MARCHF8: variants seen among roughly 807,000 people sequenced by gnomAD.
MARCHF8 encodes E3 ubiquitin-protein ligase MARCHF8.
In MARCHF8, 40 loss-of-function variants were observed where a neutral mutation model predicts 51.6. The observed-to-expected ratio is 0.77, with a 90% CI of 0.60 to 1.01. The LOEUF (loss-of-function observed/expected upper bound fraction) is 1.01. MARCHF8 is among the 50% of genes least tolerant of loss of function. The pLI is 0.00. For synonymous variants in MARCHF8, 263 were observed against 280.3 expected (o/e 0.94, Z 0.62); for missense variants, 685 against 708.6 (o/e 0.97, Z 0.38).
rs1012733606 is a variant in MARCHF8, at chr10:45,564,538, G to T, written c.-79+29697C>A. ...ACATAATCAGAAATGCAGGTGGAGG[G>T]GAAGAAAGTGAAACTGGACCAGAGA... On this transcript the variant is annotated intron_variant, in intron 1 of 6. Transcript: ENST00000319836. Among the ~76,000 whole-genome samples the T allele has an allele frequency of 6.6e-5, 10 of 152,180 alleles. No individual in the cohort carries two copies. In the East Asian group the frequency reaches 1.9e-3, roughly 29 times the overall value.
At chr10:45,477,096 G>T (rs941593611) in intron 3 of MARCHF8, among the ~76,000 whole-genome samples, 40 of 152,190 alleles carry the variant, frequency 2.6e-4, no homozygotes, top group Middle Eastern at 3.4e-3. Flanking sequence ...CAAGAAAAAA[G>T]CATCTAGTCA....
chr10:45,530,981 T>A (rs946547114), intron 2 of MARCHF8, among the ~76,000 whole-genome samples: 1 of 152,140 alleles, frequency 6.6e-6, no homozygotes, highest in Non-Finnish European at 1.5e-5. Context: ...TGATAAAACA[T>A]GTCTGAGATG....
intron 2 of MARCHF8, among the ~76,000 whole-genome samples, chr10:45,507,812 A>G (rs980557346): frequency 2.1e-4 from 18 of 85,864 alleles, no homozygotes; most frequent in East Asian, 7.3e-4. Context: ...CTCAGTTTTG[A>G]AAAAAAAAAA....
At chr10:45,491,555 A>C (rs986512620) in intron 2 of MARCHF8, among the ~76,000 whole-genome samples, 14 of 152,224 alleles carry the variant, frequency 9.2e-5, no homozygotes, top group Non-Finnish European at 1.6e-4. Context: ...ACAACAACAA[A>C]AAAAGACCAA....
At chr10:45,571,735 C>A (rs1264746470) in intron 1 of MARCHF8, among the ~76,000 whole-genome samples, 3 of 152,182 alleles carry the variant, frequency 2.0e-5, no homozygotes, top group Non-Finnish European at 2.9e-5. Flanking sequence ...CCTCTTTTTA[C>A]TCTCTTCTCC....
rs751632778 is a variant in MARCHF8, at chr10:45,461,284, C to T, written c.1216G>A (p.Glu406Lys). 6.9e-6 allele frequency: 11 copies of T among 1,597,570 alleles called. No individual in the cohort carries two copies. The highest frequency in any genetic ancestry group is 6.8e-6 in the Non-Finnish European group (8 of 1,172,654). ...ATGATGAACTCATACTTGCAGAGCT[C>T]GCAGCAGCGCGTGTCGGAGCTCTTG... ...WIKSSDTRCC[E>K]LCKYEFIMET... The change falls in exon 6 of 8, where the codon GAG becomes AAG. Residue 406 changes from glutamate (E) to lysine (K), a missense_variant. By Grantham distance (56) the Glu-to-Lys change is moderately conservative. Coordinates refer to ENST00000453424, the MANE Select transcript of MARCHF8 (RefSeq NM_001282866.2).
chr10:45,581,274 G>C (rs1007444815), intron 1 of MARCHF8, among the ~76,000 whole-genome samples: 1 of 152,088 alleles, frequency 6.6e-6, no homozygotes, highest in East Asian at 1.9e-4. Context: ...CCACAACAAA[G>C]AATTATCCAA....
chr10:45,561,610 G>T (rs2044311115), intron 1 of MARCHF8, among the ~76,000 whole-genome samples: 1 of 149,668 alleles, frequency 6.7e-6, no homozygotes, highest in Non-Finnish European at 1.5e-5. Flanking sequence ...TGTAAATAAA[G>T]AAATTTTAGG....
rs1842852525 is a variant in MARCHF8, at chr10:45,463,293, T to C, written c.946A>G (p.Ser316Gly). The change falls in exon 5 of 8, where the codon AGC becomes GGC. Residue 316 changes from serine (S) to glycine (G), a missense_variant. By Grantham distance (56) the Ser-to-Gly change is moderately conservative. Coordinates refer to ENST00000453424, the MANE Select transcript of MARCHF8 (RefSeq NM_001282866.2). ...CTACTCTTCAGTTTTGCAGATGTGC[T>C]GTCCTCAAAGACATCGTCGTCTCCC... The part of the protein sequence containing the change: ...EMGDDDVFED[S>G]TSAKLKSRVL... 1 of 1,551,020 alleles carries C rather than the reference T, an allele frequency of 6.4e-7. No individual in the cohort carries two copies. Among genetic ancestry groups the C allele is most frequent in the Non-Finnish European group, 8.7e-7 (1 of 1,147,086 alleles).
chr10:45,558,188 T>C (rs959432520), intron 1 of MARCHF8, among the ~76,000 whole-genome samples: 2 of 152,078 alleles, frequency 1.3e-5, no homozygotes, highest in African/African-American at 4.8e-5. Flanking sequence ...AAGATAGAGA[T>C]TTTGTACATG....
At chr10:45,562,805 C>G (rs1216090421) in intron 1 of MARCHF8, among the ~76,000 whole-genome samples, 1 of 152,006 alleles carries the variant, frequency 6.6e-6, no homozygotes, top group African/African-American at 2.4e-5. Flanking sequence ...TAATTAGCAA[C>G]AGGATTTAAA....
chr10:45,519,559 C>T (rs1308710169), intron 2 of MARCHF8, among the ~76,000 whole-genome samples: 3 of 152,206 alleles, frequency 2.0e-5, no homozygotes, highest in Admixed American at 1.3e-4. Context: ...CAAAAGTAGT[C>T]ACAAGGAAAT....
intron 1 of MARCHF8, among the ~76,000 whole-genome samples, chr10:45,544,337 C>T (rs1213350350): frequency 6.6e-6 from 1 of 152,168 alleles, no homozygotes; most frequent in African/African-American, 2.4e-5. Flanking sequence ...TAAACATAAA[C>T]TTATCCTATG....
chr10:45,502,310 T>A (rs1353361860), intron 2 of MARCHF8, among the ~76,000 whole-genome samples: 1 of 152,170 alleles, frequency 6.6e-6, no homozygotes, highest in Admixed American at 6.5e-5. Context: ...GGAAGAAATC[T>A]CCAGAGAATT....
chr10:45,490,409 G>A (rs2043060218), intron 2 of MARCHF8, among the ~76,000 whole-genome samples: 1 of 152,128 alleles, frequency 6.6e-6, no homozygotes, highest in South Asian at 2.1e-4. Context: ...TTGTGACACA[G>A]ACACACACAG....
At chr10:45,577,814 G>C (rs1373597163) in intron 1 of MARCHF8, among the ~76,000 whole-genome samples, 1 of 152,178 alleles carries the variant, frequency 6.6e-6, no homozygotes, top group Non-Finnish European at 1.5e-5. Context: ...CTGTGGCTAG[G>C]AGTTAAGACC....
chr10:45,474,085 G>A (rs1042896687), intron 3 of MARCHF8, among the ~76,000 whole-genome samples: 3 of 152,246 alleles, frequency 2.0e-5, no homozygotes, highest in South Asian at 2.1e-4. Flanking sequence ...AGAGGTCTGC[G>A]TACTTCCCTC....
At chr10:45,533,921 T>C (rs990113642) in intron 1 of MARCHF8, among the ~76,000 whole-genome samples, 32 of 152,208 alleles carry the variant, frequency 2.1e-4, no homozygotes, top group South Asian at 4.1e-4. Flanking sequence ...CGGTGGCTCA[T>C]GCCTGTAATC....
intron 3 of MARCHF8, among the ~76,000 whole-genome samples, chr10:45,471,765 G>A (rs2042695141): frequency 6.6e-6 from 1 of 152,130 alleles, no homozygotes; most frequent in Non-Finnish European, 1.5e-5. Flanking sequence ...CAATCTACAG[G>A]GCTGCTACTA....
Sources: gnomAD v4.1 joint callset for allele counts (sites outside exome capture counted in the v4.1 genomes callset) on GRCh38, gnomAD v4.1.1 for gene constraint, MANE v1.5 for transcripts, NCBI Gene and HGNC (gene_info 2026-07-23, HGNC 2026-07-21) for gene names.